SLC44A1: variants seen among roughly 807,000 people sequenced by gnomAD.
The protein encoded by SLC44A1 is choline transporter-like protein 1.
SLC44A1 carries 26 observed loss-of-function variants against 79.3 expected under a neutral mutation model. That is an observed-to-expected ratio of 0.33 (90% CI 0.24 to 0.46). The LOEUF is 0.46. Ranked by LOEUF, SLC44A1 falls within the 20% of genes least tolerant of loss-of-function variation. The pLI is 1.00. For missense variants in SLC44A1, 688 were observed against 798.1 expected (o/e 0.86, Z 1.66); for synonymous variants, 263 against 286.2 (o/e 0.92, Z 0.82).
At chr9:105,326,155 CA>C (rs1323176283) in intron 3 of SLC44A1, among the ~76,000 whole-genome samples, 3 of 152,170 alleles carry the variant, frequency 2.0e-5, no homozygotes, top group Non-Finnish European at 4.4e-5. Flanking sequence ...ACTGCAGCCT[CA>C]ACCTCTTGGG....
intron 15 of SLC44A1, chr9:105,438,169 CATA>C (rs1829487649): frequency 1.2e-6 from 1 of 820,136 alleles, no homozygotes; most frequent in Non-Finnish European, 2.0e-6. Context: ...TCTTACATTT[CATA>C]ATGTTTTCTT....
intron 15 of SLC44A1, among the ~76,000 whole-genome samples, chr9:105,419,914 C>CAAAAAAA (rs59244219): frequency 1.9e-5 from 1 of 53,426 alleles, no homozygotes; most frequent in African/African-American, 6.3e-5. Context: ...AACTCTGTCT[C>CAAAAAAA]AAAAAAAAAA....
chr9:105,340,488 T>C (rs1827054680), intron 4 of SLC44A1, among the ~76,000 whole-genome samples: 1 of 152,230 alleles, frequency 6.6e-6, no homozygotes, highest in Non-Finnish European at 1.5e-5. Flanking sequence ...TGAATGAACT[T>C]AATGTCACTG....
intron 15 of SLC44A1, among the ~76,000 whole-genome samples, chr9:105,427,610 C>T (rs954549472): frequency 6.6e-6 from 1 of 152,070 alleles, no homozygotes; most frequent in Admixed American, 6.6e-5. Flanking sequence ...AGTATATTCC[C>T]TTTTATTAAA....
intron 3 of SLC44A1, among the ~76,000 whole-genome samples, chr9:105,330,909 T>C (rs1173072880): frequency 6.6e-6 from 1 of 152,228 alleles, no homozygotes; most frequent in Non-Finnish European, 1.5e-5. Context: ...ACCTTTTAAG[T>C]TCAAAGCTTA....
chr9:105,335,445 G>C (rs1432362403), intron 3 of SLC44A1, 118 bp from the exon 4 acceptor site: 3 of 693,308 alleles, frequency 4.3e-6, no homozygotes, highest in Non-Finnish European at 4.6e-6. Flanking sequence ...TTTATGATGA[G>C]ATTTTTATCG....
At position 105,383,254 on chromosome 9, in the gene SLC44A1, T is replaced by G; in HGVS notation, c.1764T>G (p.Ser588=). 1 of 1,613,924 alleles carries G rather than the reference T, an allele frequency of 6.2e-7. No homozygotes were observed. Among genetic ancestry groups the G allele is most frequent in the Non-Finnish European group, 8.5e-7 (1 of 1,179,782 alleles). The part of the protein sequence containing the change: ...FAFLVAHCFL[S]IYEMVVDVLF... ...TCCTAGTCGCTCATTGCTTCCTGTC[T>G]ATTTATGAAATGGTAGTGGATGTAT... The change falls in exon 14 of 16, where the codon TCT becomes TCG. Residue 588 remains serine, a synonymous_variant. Transcript: ENST00000374720.
chr9:105,351,634 GAAAGAAAGAAAGAAAGAAAGAA>G (rs1827441295), intron 5 of SLC44A1, among the ~76,000 whole-genome samples: 3 of 133,180 alleles, frequency 2.3e-5, no homozygotes, highest in African/African-American at 9.0e-5. Flanking sequence ...GAGAGAAAGA[GAAAGAAAGAAAGAAAGAAAGAA>G]AGAAAGAAAG....
At chr9:105,350,328 G>A (rs1245742888) in intron 5 of SLC44A1, among the ~76,000 whole-genome samples, 1 of 152,088 alleles carries the variant, frequency 6.6e-6, no homozygotes, top group Non-Finnish European at 1.5e-5. Context: ...CAAACTGAAA[G>A]GATCTGAGAA....
At chr9:105,341,519 A>G (rs966875331) in intron 4 of SLC44A1, among the ~76,000 whole-genome samples, 1 of 152,174 alleles carries the variant, frequency 6.6e-6, no homozygotes, top group Admixed American at 6.5e-5. Flanking sequence ...CCTTTAAAAA[A>G]TTGAAGTTGC....
At chr9:105,343,602 C>G (rs1045108388) in intron 4 of SLC44A1, among the ~76,000 whole-genome samples, 1 of 152,148 alleles carries the variant, frequency 6.6e-6, no homozygotes, top group Admixed American at 6.5e-5. Context: ...ATGATCAACT[C>G]TAGCAACCGA....
intron 14 of SLC44A1, among the ~76,000 whole-genome samples, chr9:105,384,264 A>G (rs1451248790): frequency 6.6e-6 from 1 of 151,914 alleles, no homozygotes; most frequent in African/African-American, 2.4e-5. Context: ...TGGCTCTGCA[A>G]CCTCTACCTC....
At chr9:105,382,267 AG>A (rs1028090419) in intron 13 of SLC44A1, among the ~76,000 whole-genome samples, 9 of 152,160 alleles carry the variant, frequency 5.9e-5, no homozygotes, top group Non-Finnish European at 1.5e-5. Context: ...AACCATTCAT[AG>A]GGTTATTGAA....
At position 105,367,738 on chromosome 9, in the gene SLC44A1, G is replaced by A. The variant is rs145408574; in HGVS notation, c.1494+1309G>A. Among the ~76,000 whole-genome samples the A allele has an allele frequency of 5.2e-4, 79 of 152,068 alleles. No homozygotes were observed. In the East Asian group the frequency reaches 6.4e-3, roughly 12 times the overall value. The stretch of plus-strand genomic sequence containing the variant: ...TGAACCTTAATGATTCTGCCTGAGC[G>A]TCACCTCCAAGAAGCCATCCCTCTT... On this transcript the variant is annotated intron_variant, in intron 12 of 15. Transcript: ENST00000374720.
intron 3 of SLC44A1, among the ~76,000 whole-genome samples, chr9:105,330,832 C>T (rs1416212455): frequency 6.6e-6 from 1 of 152,194 alleles, no homozygotes; most frequent in African/African-American, 2.4e-5. Context: ...ATTTACATGC[C>T]TTACCAGCTG....
intron 3 of SLC44A1, among the ~76,000 whole-genome samples, chr9:105,334,846 A>G (rs888652861): frequency 2.6e-5 from 4 of 152,170 alleles, no homozygotes; most frequent in African/African-American, 9.7e-5. Context: ...AGATTTGGGG[A>G]TTATTTTATC....
At chr9:105,358,609 T>G (rs1827691578) in intron 7 of SLC44A1, among the ~76,000 whole-genome samples, 176 bp downstream of exon 7, 1 of 152,194 alleles carries the variant, frequency 6.6e-6, no homozygotes, top group South Asian at 2.1e-4. Context: ...ATTTCATCAC[T>G]GTTGGCATTT....
At position 105,392,962 on chromosome 9, in the gene SLC44A1, A is replaced by G. The variant is rs563065711; in HGVS notation, c.*3906A>G. 93 of 984,674 alleles carry G rather than the reference A, an allele frequency of 9.4e-5. No homozygotes were observed. The African/African-American group carries it at 1.3e-3, about 14-fold the overall frequency. 61.0% of individuals were successfully genotyped at this position (984,674 alleles called of 1,614,324 possible). A position where few individuals can be genotyped will look rare whatever the true frequency, so the allele number is the denominator to read the frequency against. ...TGCTTTTCTACTGCTACTTTAAAAA[A>G]AAAACAACAACAACAAATAAAACTC... On this transcript the variant is annotated 3_prime_UTR_variant, in exon 16 of 16. Coordinates refer to ENST00000374720, the MANE Select transcript of SLC44A1 (RefSeq NM_080546.5).
intron 1 of SLC44A1, among the ~76,000 whole-genome samples, chr9:105,247,586 C>T (rs372755868): frequency 2.6e-5 from 4 of 152,166 alleles, no homozygotes; most frequent in Admixed American, 1.3e-4. Context: ...CATGAGCCAC[C>T]GCTCCCTATC....
Sources: allele counts gnomAD v4.1 joint callset (sites outside exome capture counted in the v4.1 genomes callset), GRCh38; gene constraint gnomAD v4.1.1; transcripts MANE v1.5; gene names NCBI Gene and HGNC (gene_info 2026-07-23, HGNC 2026-07-21).